KAT6A: variants seen among roughly 807,000 people sequenced by gnomAD.
The protein encoded by KAT6A is histone acetyltransferase KAT6A.
Under a neutral mutation model 198.4 loss-of-function variants are expected in KAT6A, and 9 were observed. That is an observed-to-expected ratio of 0.05 (90% confidence interval 0.03 to 0.08). KAT6A has a LOEUF of 0.08. KAT6A is among the 10% of genes least tolerant of loss of function. KAT6A has a pLI of 1.00. For missense variants in KAT6A, 2,077 were observed against 2,509.9 expected, an observed-to-expected ratio of 0.83 and a Z score of 3.69; for synonymous variants, 890 against 883.0, an observed-to-expected ratio of 1.01 and a Z score of -0.14.
At chr8:41,978,869 C>T (rs992067771) in intron 5 of KAT6A, 92 bp from the exon 6 acceptor site, 59 of 1,193,876 alleles carry the variant, frequency 4.9e-5, no homozygotes, top group Non-Finnish European at 7.0e-5. Flanking sequence ...TTAACTTTTT[C>T]AGGTAAAAGA....
At position 42,049,905 on chromosome 8, in the gene KAT6A, T is replaced by C. The variant is rs1009396157; in HGVS notation, c.-325-603A>G. On this transcript the variant is annotated intron_variant, in intron 1 of 16. Transcript: ENST00000265713. ...TCTCCTAATGGAAACAAAAATACTA[T>C]TGAAAATAGCCTAGAGTAAAAGTGC... Among the ~76,000 whole-genome samples the C allele has an allele frequency of 6.6e-5, 10 of 152,292 alleles. No homozygotes were observed. In the East Asian group the frequency reaches 1.3e-3, roughly 21 times the overall value.
intron 2 of KAT6A, among the ~76,000 whole-genome samples, chr8:41,989,952 C>T (rs934912759): frequency 1.3e-5 from 2 of 151,352 alleles, no homozygotes; most frequent in African/African-American, 4.9e-5. Flanking sequence ...ATGGCTTAAT[C>T]ATAATTAAGA....
Position 41,941,566 on chromosome 8 carries a change from T to A in KAT6A, c.2437-122A>T, listed in dbSNP as rs774905291. 124 of 1,008,432 alleles carry A rather than the reference T, an allele frequency of 1.2e-4. No homozygotes were observed. The Middle Eastern group carries it at 1.6e-3, about 13-fold the overall frequency. 62.5% of individuals were successfully genotyped at this position (1,008,432 alleles called of 1,614,324 possible). ...AAACTGAGCTTTAAAAAGAAAATGA[T>A]CAGTTATTTAACATGGATATTTCCT... On this transcript the variant is annotated intron_variant, in intron 14 of 16. Transcript: ENST00000265713.
intron 2 of KAT6A, among the ~76,000 whole-genome samples, chr8:42,036,600 A>G (rs1188762456): frequency 2.0e-5 from 3 of 152,106 alleles, no homozygotes; most frequent in South Asian, 2.1e-4. Context: ...GTGACAGAGC[A>G]AGACTCCAAC....
intron 2 of KAT6A, among the ~76,000 whole-genome samples, chr8:42,022,126 G>A (rs1440568257): frequency 6.6e-6 from 1 of 152,016 alleles, no homozygotes; most frequent in East Asian, 1.9e-4. Flanking sequence ...GAGTTGCTGT[G>A]ATCTAAATAT....
At chr8:42,039,642 G>GTAAAAAGAAAT (rs1827545090) in intron 2 of KAT6A, among the ~76,000 whole-genome samples, 1 of 152,110 alleles carries the variant, frequency 6.6e-6, no homozygotes, top group East Asian at 1.9e-4. Context: ...GGCAGCAAGG[G>GTAAAAAGAAAT]TAAAAAGAAA....
intron 2 of KAT6A, chr8:42,043,417 A>G (rs910567891): frequency 6.6e-6 from 1 of 152,220 alleles, no homozygotes; most frequent in African/African-American, 2.4e-5. Flanking sequence ...CCTATCAGAA[A>G]ATGTTAGTGA....
intron 2 of KAT6A, among the ~76,000 whole-genome samples, chr8:42,006,173 C>A (rs1051601480): frequency 6.6e-6 from 1 of 152,190 alleles, no homozygotes; most frequent in Non-Finnish European, 1.5e-5. Flanking sequence ...AGTTTAGGGA[C>A]CCTAGAAGAG....
intron 2 of KAT6A, among the ~76,000 whole-genome samples, chr8:42,012,371 G>A (rs1205840578): frequency 2.0e-5 from 3 of 152,210 alleles, no homozygotes; most frequent in Non-Finnish European, 4.4e-5. Context: ...CTTCACAAGT[G>A]TGATTAAATT....
chr8:42,037,384 T>A (rs569235721), intron 2 of KAT6A, among the ~76,000 whole-genome samples: 1 of 152,252 alleles, frequency 6.6e-6, no homozygotes, highest in South Asian at 2.1e-4. Flanking sequence ...AAGTACAGAA[T>A]CACACTCCAC....
rs1252534498 is a variant in KAT6A at position 41,943,762 on chromosome 8, G to C, written c.2214C>G (p.Asp738Glu). The change falls in exon 13 of 17, where the codon GAC (aspartate) becomes GAG (glutamate). Residue 738 changes from aspartate to glutamate, a missense_variant. Physicochemically the swap from Asp to Glu is conservative, Grantham distance 45 (BLOSUM62 2). Transcript: ENST00000265713. ...TSTLHHLRMLDFRSDQFVIIR... is the reference protein window; with the variant it reads ...TSTLHHLRMLEFRSDQFVIIR... ...GTGATACTCACTGGTCACTACGGAAGTCCAGCATTCGTAGGTGGTGGAGTG... is the reference window on the plus strand; with the variant it reads ...GTGATACTCACTGGTCACTACGGAACTCCAGCATTCGTAGGTGGTGGAGTG... 3 of 1,612,434 alleles carry C rather than the reference G, an allele frequency of 1.9e-6. No homozygotes were observed. The African/African-American group carries it at 4.0e-5, about 22-fold the overall frequency.
intron 2 of KAT6A, among the ~76,000 whole-genome samples, chr8:42,001,860 T>TAG (rs1825508267): frequency 6.6e-6 from 1 of 152,346 alleles, no homozygotes; most frequent in Non-Finnish European, 1.5e-5. Flanking sequence ...GAGAGCATCT[T>TAG]AGAGTTCTAG....
intron 2 of KAT6A, among the ~76,000 whole-genome samples, chr8:42,003,024 C>T (rs533032197): frequency 1.3e-5 from 2 of 152,266 alleles, no homozygotes; most frequent in East Asian, 1.9e-4. Context: ...TCTTCTCTAC[C>T]GGGCCTTATG....
At chr8:42,005,631 A>C (rs1301755167) in intron 2 of KAT6A, among the ~76,000 whole-genome samples, 3 of 152,176 alleles carry the variant, frequency 2.0e-5, no homozygotes. Flanking sequence ...CCAGAGAGGG[A>C]GTGAGGTTGG....
intron 2 of KAT6A, among the ~76,000 whole-genome samples, chr8:41,988,051 G>T (rs1192093845): frequency 6.6e-6 from 1 of 152,232 alleles, no homozygotes. Context: ...TGGTGTGGAG[G>T]AAGGGAAAGG....
At chr8:41,990,096 T>C (rs572661404) in intron 2 of KAT6A, among the ~76,000 whole-genome samples, 2 of 149,860 alleles carry the variant, frequency 1.3e-5, no homozygotes, top group Non-Finnish European at 3.0e-5. Flanking sequence ...AGGAAGAAGG[T>C]AGAAGCCAGT....
chr8:41,960,210 G>C (rs1355947886), intron 8 of KAT6A, among the ~76,000 whole-genome samples: 1 of 152,068 alleles, frequency 6.6e-6, no homozygotes, highest in African/African-American at 2.4e-5. Context: ...AGATAAAAAA[G>C]TTCTGGAAAT....
Position 41,930,952 on chromosome 8 carries a change from A to AG in KAT6A, c.*1252dup, listed in dbSNP as rs1435124007. The AG allele has an allele frequency of 4.8e-6, 1 of 209,944 alleles. No homozygotes were observed. The highest frequency in any genetic ancestry group is 5.9e-5 in the Admixed American group (1 of 16,904). 13.0% of individuals were successfully genotyped at this position (209,944 alleles called of 1,614,324 possible). A position where few individuals can be genotyped will look rare whatever the true frequency, so the allele number is the denominator to read the frequency against. On this transcript the variant is annotated 3_prime_UTR_variant, in exon 17 of 17. Transcript: ENST00000265713. ...GAGGTGCTTGTGCACTCTGATTCAC[A>AG]GGGGATGAACTCAGGATCTCAAAAG...
rs1374312677 is a variant in KAT6A at position 41,933,387 on chromosome 8, G to A, written c.4833C>T (p.Ser1611=). 1.2e-6 allele frequency: 2 copies of A among 1,605,700 alleles called. No homozygotes were observed. Among genetic ancestry groups the A allele is most frequent in the Non-Finnish European group, 8.5e-7 (1 of 1,177,736 alleles). ...SSCVVTQQMA[S]MGSSCSMMQQ... Reference sequence around the variant, plus strand: ...GCATCATGCTGCAGCTGCTGCCCATGCTGGCCATCTGCTGAGTGACCACAC... The same window carrying A: ...GCATCATGCTGCAGCTGCTGCCCATACTGGCCATCTGCTGAGTGACCACAC... Residue 1611 remains serine (S), a synonymous_variant, in exon 17 of 17, where the codon AGC becomes AGT. Coordinates refer to ENST00000265713, the MANE Select transcript of KAT6A (RefSeq NM_006766.5). The surrounding 1 kb of genome is among the most constrained non-coding windows in gnomAD (Gnocchi z 6.2).
Sources: gnomAD v4.1 joint callset for allele counts (sites outside exome capture counted in the v4.1 genomes callset) on GRCh38, gnomAD v4.1.1 for gene constraint, Gnocchi (gnomAD v3.1) non-coding constraint, MANE v1.5 for transcripts, NCBI Gene and HGNC (gene_info 2026-07-23, HGNC 2026-07-21) for gene names.